Variants in DOCK2 observed in about 807,000 individuals in gnomAD.
The protein encoded by DOCK2 is dedicator of cytokinesis protein 2.
Under a neutral mutation model 248.9 loss-of-function variants are expected in DOCK2, and 87 were observed. The ratio of observed to expected loss-of-function variants is 0.35; its 90% confidence interval spans 0.29 to 0.42. The LOEUF (loss-of-function observed/expected upper bound fraction) is 0.42, where lower values mean the gene tolerates loss of function less well. Among genes scored for constraint, DOCK2 ranks in the 10% least tolerant of loss-of-function variants. The probability of loss-of-function intolerance (pLI) is 1.00; values close to 1 mark genes in which losing one functional copy is unlikely to be tolerated. For missense variants in DOCK2, 1,747 were observed against 2,300.2 expected (o/e 0.76, Z 4.92); for synonymous variants, 805 against 821.6 (o/e 0.98, Z 0.35).
chr5:169,920,047 T>C (rs1775086356), intron 27 of DOCK2, among the ~76,000 whole-genome samples: 1 of 152,234 alleles, frequency 6.6e-6, no homozygotes, highest in Non-Finnish European at 1.5e-5. Flanking sequence ...TGTCATTTAA[T>C]CCACAACACA....
At chr5:169,682,947 G>C (rs1405532590) in intron 7 of DOCK2, among the ~76,000 whole-genome samples, 6 of 152,154 alleles carry the variant, frequency 3.9e-5, no homozygotes, top group Non-Finnish European at 8.8e-5. Context: ...GGTTTATGTT[G>C]TTGTGCATAT....
chr5:170,078,396 G>A lies in DOCK2; in HGVS notation c.4994+559G>A, dbSNP rs978132911. 7.9e-5 allele frequency among the ~76,000 whole-genome samples: 12 copies of A among 152,300 alleles called. No homozygotes were observed. In the South Asian group the frequency reaches 8.3e-4, roughly 11 times the overall value. Reference sequence around the variant, plus strand: ...TGCCCAGAGGGAAAAGGATGGAAACGTCTTCTGTTTCACAGTTCTAGGGGG... The same window carrying A: ...TGCCCAGAGGGAAAAGGATGGAAACATCTTCTGTTTCACAGTTCTAGGGGG... On this transcript the variant is annotated intron_variant, in intron 48 of 51. Transcript: ENST00000520908.
At chr5:169,810,981 T>TCACACACACACACA (rs1246188439) in intron 26 of DOCK2, among the ~76,000 whole-genome samples, 4 of 142,032 alleles carry the variant, frequency 2.8e-5, no homozygotes, top group African/African-American at 1.2e-4. Flanking sequence ...ACTCTCTCTC[T>TCACACACACACACA]CTCTCTCTCA....
intron 27 of DOCK2, among the ~76,000 whole-genome samples, chr5:169,892,174 G>A (rs1036024099): frequency 6.6e-6 from 1 of 151,972 alleles, no homozygotes; most frequent in African/African-American, 2.4e-5. Context: ...CAATAAAGTG[G>A]AGTTGTTCTA....
intron 6 of DOCK2, among the ~76,000 whole-genome samples, chr5:169,681,427 A>ATTT (rs35535700): frequency 7.2e-6 from 1 of 138,114 alleles, no homozygotes; most frequent in African/African-American, 2.6e-5. Context: ...CCCAGCTAAC[A>ATTT]TTTTTTTTTT....
At chr5:170,032,511 A>G (rs1756176247) in intron 34 of DOCK2, among the ~76,000 whole-genome samples, 1 of 152,168 alleles carries the variant, frequency 6.6e-6, no homozygotes, top group Admixed American at 6.5e-5. Flanking sequence ...GGTCTGGCCA[A>G]GCTCAGACCC....
intron 4 of DOCK2, 53 bp from the exon 5 acceptor site, chr5:169,671,025 T>C (rs1759024001): frequency 6.5e-7 from 1 of 1,531,378 alleles, no homozygotes; most frequent in African/African-American, 1.4e-5. Context: ...GTGTTTTATC[T>C]TGTTAGCACC....
intron 36 of DOCK2, among the ~76,000 whole-genome samples, chr5:170,039,431 A>G (rs1398702661): frequency 6.6e-6 from 1 of 152,172 alleles, no homozygotes; most frequent in Non-Finnish European, 1.5e-5. Flanking sequence ...TCTAATCCCA[A>G]ACCCTGAGAA....
At chr5:169,860,518 A>T (rs754611599) in intron 27 of DOCK2, among the ~76,000 whole-genome samples, 5 of 152,198 alleles carry the variant, frequency 3.3e-5, no homozygotes, top group African/African-American at 4.8e-5. Flanking sequence ...GCTCAAGTTT[A>T]TGCAGCAAAA....
intron 5 of DOCK2, among the ~76,000 whole-genome samples, chr5:169,671,908 T>C (rs1296449541): frequency 6.6e-6 from 1 of 152,254 alleles, no homozygotes; most frequent in African/African-American, 2.4e-5. Flanking sequence ...ATTTTACATG[T>C]TTCTCAAAGT....
chr5:169,832,999 T>C (rs1210595517), intron 26 of DOCK2, among the ~76,000 whole-genome samples: 2 of 152,186 alleles, frequency 1.3e-5, no homozygotes, highest in Non-Finnish European at 2.9e-5. Flanking sequence ...GCTGCCTGTG[T>C]GCTGGACTGG....
Position 169,883,821 on chromosome 5 carries a change from T to C in DOCK2, c.2799+42969T>C, listed in dbSNP as rs923290398. 1.9e-6 allele frequency: 3 copies of C among 1,549,434 alleles called. No individual in the cohort carries two copies. The Admixed American group carries it at 5.9e-5, about 31-fold the overall frequency. On this transcript the variant is annotated intron_variant, in intron 27 of 51. Coordinates refer to ENST00000520908, the MANE Select transcript of DOCK2 (RefSeq NM_004946.3). ...GGGATTTGCTCCTGCGGTGGTGAGG[T>C]TGTTTCACAAACTCCACTGATTCTA...
chr5:169,767,763 C>T (rs577677963), intron 25 of DOCK2, among the ~76,000 whole-genome samples: 1 of 152,266 alleles, frequency 6.6e-6, no homozygotes, highest in South Asian at 2.1e-4. Flanking sequence ...AAGGGAGAGA[C>T]TTAATATTTA....
intron 28 of DOCK2, among the ~76,000 whole-genome samples, chr5:169,984,572 G>C: frequency 6.6e-6 from 1 of 152,316 alleles, no homozygotes; most frequent in Non-Finnish European, 1.5e-5. Flanking sequence ...GTCATTTCCA[G>C]AATTTTGCAA....
intron 27 of DOCK2, among the ~76,000 whole-genome samples, chr5:169,953,988 T>TA (rs953305387): frequency 6.6e-6 from 1 of 152,174 alleles, no homozygotes; most frequent in African/African-American, 2.4e-5. Flanking sequence ...TGGCACAGAG[T>TA]AAGTGATTTA....
intron 25 of DOCK2, among the ~76,000 whole-genome samples, chr5:169,783,635 TTAAAAA>T (rs1765827382): frequency 6.6e-6 from 1 of 152,116 alleles, no homozygotes; most frequent in Admixed American, 6.5e-5. Flanking sequence ...CTGTAGAGCA[TTAAAAA>T]TAAAAAGTTG....
chr5:169,813,783 G>T (rs1581229565), intron 26 of DOCK2, among the ~76,000 whole-genome samples: 1 of 152,090 alleles, frequency 6.6e-6, no homozygotes, highest in Non-Finnish European at 1.5e-5. Flanking sequence ...TGAGAATGTC[G>T]AGGTCTCCTG....
chr5:170,050,436 G>A (rs1400161711), intron 41 of DOCK2, 39 bp downstream of exon 41: 13 of 1,592,294 alleles, frequency 8.2e-6, no homozygotes, highest in Non-Finnish European at 1.1e-5. Flanking sequence ...GGCCAGACCT[G>A]AGCAGCCCTG....
intron 15 of DOCK2, among the ~76,000 whole-genome samples, chr5:169,708,561 C>CATT (rs1761406034): frequency 8.0e-6 from 1 of 124,934 alleles, no homozygotes; most frequent in Non-Finnish European, 1.7e-5. Context: ...GAACAATTAG[C>CATT]ATTCTTCTTT....
Sources: allele counts gnomAD v4.1 joint callset (sites outside exome capture counted in the v4.1 genomes callset), GRCh38; gene constraint gnomAD v4.1.1; transcripts MANE v1.5; gene names NCBI Gene and HGNC (gene_info 2026-07-23, HGNC 2026-07-21).